The following AGMO variants were observed in gnomAD, a reference collection of about 807,000 sequenced individuals.
The protein encoded by AGMO is glyceryl-ether monooxygenase.
AGMO carries 75 observed loss-of-function variants against 60.2 expected under a neutral mutation model. That is an observed-to-expected ratio of 1.25 (90% CI 1.03 to 1.51). The LOEUF (loss-of-function observed/expected upper bound fraction) is 1.51. Among genes scored for constraint, AGMO ranks in the 40% most tolerant of loss-of-function variants. AGMO has a pLI of 0.00. For missense variants in AGMO, 763 were observed against 525.5 expected (o/e 1.45, Z -4.42); for synonymous variants, 261 against 177.1 (o/e 1.47, Z -3.76).
chr7:15,386,574 G>A (rs928086315), intron 9 of AGMO, among the ~76,000 whole-genome samples: 45 of 152,260 alleles, frequency 3.0e-4, no homozygotes, highest in African/African-American at 9.1e-4. Flanking sequence ...TCCTAGCGGC[G>A]TTGGTAACTG....
intron 12 of AGMO, among the ~76,000 whole-genome samples, chr7:15,348,996 C>T (rs1263227362): frequency 6.6e-6 from 1 of 152,038 alleles, no homozygotes; most frequent in African/African-American, 2.4e-5. Flanking sequence ...TATTATAAAC[C>T]ACTAATGTGA....
intron 12 of AGMO, among the ~76,000 whole-genome samples, chr7:15,206,251 AT>A (rs200215923): frequency 1.3e-5 from 2 of 152,064 alleles, no homozygotes; most frequent in African/African-American, 2.4e-5. Context: ...ATAATTATAG[AT>A]TTTTTTTCTA....
At chr7:15,151,844 G>A in the AGMO span, among the ~76,000 whole-genome samples, 1 of 152,074 alleles carries the variant, frequency 6.6e-6, no homozygotes, top group African/African-American at 2.4e-5. Context: ...TTGACTTTAG[G>A]TCCCTAACAT....
chr7:15,193,233 A>C, the AGMO span, among the ~76,000 whole-genome samples: 1 of 93,194 alleles, frequency 1.1e-5, no homozygotes, highest in African/African-American at 6.8e-5. Flanking sequence ...AAATACAGCA[A>C]ATGTATGATA....
chr7:15,464,020 G>T (rs1474354482), intron 3 of AGMO, among the ~76,000 whole-genome samples: 1 of 152,118 alleles, frequency 6.6e-6, no homozygotes, highest in South Asian at 2.1e-4. Context: ...GAAAGTTATT[G>T]ACCAATCTCT....
chr7:15,303,557 T>TG (rs1259831642), intron 12 of AGMO, among the ~76,000 whole-genome samples: 1 of 152,120 alleles, frequency 6.6e-6, no homozygotes, highest in African/African-American at 2.4e-5. Context: ...TAAGTGATCT[T>TG]GCTTGACCTG....
At chr7:15,522,111 A>G (rs1784011278) in intron 3 of AGMO, among the ~76,000 whole-genome samples, 1 of 152,204 alleles carries the variant, frequency 6.6e-6, no homozygotes, top group Non-Finnish European at 1.5e-5. Flanking sequence ...TGTTACCAAG[A>G]GAATAAAATA....
At chr7:15,202,968 T>G (rs1781342248) in intron 12 of AGMO, among the ~76,000 whole-genome samples, 1 of 152,148 alleles carries the variant, frequency 6.6e-6, no homozygotes, top group Non-Finnish European at 1.5e-5. Flanking sequence ...GATAAATCTA[T>G]AATATCAGAG....
intron 10 of AGMO, among the ~76,000 whole-genome samples, chr7:15,382,879 T>C (rs1045300558): frequency 3.3e-5 from 5 of 152,184 alleles, no homozygotes; most frequent in African/African-American, 1.2e-4. Context: ...GATACTTTGT[T>C]TGAAAACAAG....
At chr7:15,191,719 G>A in the AGMO span, among the ~76,000 whole-genome samples, 3 of 152,076 alleles carry the variant, frequency 2.0e-5, no homozygotes, top group African/African-American at 7.2e-5. Flanking sequence ...ACTATTAAAA[G>A]TTTTTTTAAG....
At chr7:15,357,387 C>T (rs769406641) in intron 12 of AGMO, among the ~76,000 whole-genome samples, 2 of 151,968 alleles carry the variant, frequency 1.3e-5, no homozygotes, top group African/African-American at 4.8e-5. Context: ...GATGACAATA[C>T]ACTAACCACC....
intron 12 of AGMO, among the ~76,000 whole-genome samples, chr7:15,285,586 T>A (rs183241511): frequency 3.1e-4 from 47 of 152,060 alleles, no homozygotes; most frequent in Admixed American, 2.9e-3. Flanking sequence ...CACAAACAAA[T>A]GGAAACATAT....
intron 4 of AGMO, among the ~76,000 whole-genome samples, chr7:15,425,442 T>A (rs114228021): frequency 0.014 from 2,049 of 150,002 alleles, 16 homozygotes; most frequent in Middle Eastern, 0.069. Context: ...ATTTTATTTT[T>A]TTTTTTTTGA....
intron 5 of AGMO, among the ~76,000 whole-genome samples, chr7:15,402,083 T>A (rs1352466530): frequency 6.6e-6 from 1 of 152,102 alleles, no homozygotes; most frequent in East Asian, 1.9e-4. Flanking sequence ...TGAAAATCTT[T>A]GTCATGTTAG....
chr7:15,526,344 C>T (rs1427296169), intron 3 of AGMO, among the ~76,000 whole-genome samples: 8 of 152,204 alleles, frequency 5.3e-5, no homozygotes, highest in Admixed American at 5.2e-4. Flanking sequence ...GCATCCTTAA[C>T]TTAAAACATT....
At chr7:15,159,153 G>C in the AGMO span, among the ~76,000 whole-genome samples, 2 of 151,884 alleles carry the variant, frequency 1.3e-5, no homozygotes, top group African/African-American at 2.4e-5. Context: ...AAAAGTACAG[G>C]TCCCTCAACA....
rs143873567 is a variant in AGMO, at chr7:15,521,542, C to T, written c.409+23230G>A. Among the ~76,000 whole-genome samples the T allele has an allele frequency of 7.8e-3, 1,181 of 152,266 alleles. 18 individuals are homozygous for T. Among genetic ancestry groups the T allele is most frequent in the African/African-American group, 0.027 (1,122 of 41,550 alleles). ...TCCCTGAGATGCAAGGCTGGTTCAA[C>T]ATAAGCAAATCAATAAATGTAATCC... is the stretch of plus-strand genomic sequence containing the variant. On this transcript the variant is annotated intron_variant, in intron 3 of 12. Coordinates refer to ENST00000342526, the MANE Select transcript of AGMO (RefSeq NM_001004320.2).
intron 10 of AGMO, among the ~76,000 whole-genome samples, chr7:15,382,009 CTGGGGTCTAT>C (rs1783713332): frequency 6.6e-6 from 1 of 152,064 alleles, no homozygotes; most frequent in Non-Finnish European, 1.5e-5. Context: ...ACAACACACA[CTGGGGTCTAT>C]TGGAGGGTGG....
rs545507824 is a variant in AGMO at position 15,234,435 on chromosome 7, G to A, written c.1264-33076C>T. Among the ~76,000 whole-genome samples the A allele has an allele frequency of 2.0e-5, 3 of 152,272 alleles. No individual in the cohort carries two copies. The South Asian group carries it at 6.2e-4, about 32-fold the overall frequency. ...GATGGCTTAGTTCACTTGGATACCG[G>A]TCTTGCCTACATGCAAACTAGTTTC... On this transcript the variant is annotated intron_variant, in intron 12 of 12. Transcript: ENST00000342526.
Sources: allele counts gnomAD v4.1 joint callset (sites outside exome capture counted in the v4.1 genomes callset), GRCh38; gene constraint gnomAD v4.1.1; transcripts MANE v1.5; gene names NCBI Gene and HGNC (gene_info 2026-07-23, HGNC 2026-07-21).